The following CCDC178 variants were observed in gnomAD, a reference collection of about 807,000 sequenced individuals.
The protein encoded by CCDC178 is coiled-coil domain containing 178.
CCDC178 carries 126 observed loss-of-function variants against 117.4 expected under a neutral mutation model. The observed-to-expected ratio is 1.07, with a 90% CI of 0.93 to 1.24. The LOEUF is 1.24. CCDC178 is among the 50% of genes most tolerant of loss of function. The pLI, the probability that CCDC178 is intolerant of heterozygous loss-of-function variation, is 0.00. For missense variants in CCDC178, 1,030 were observed against 986.9 expected (o/e 1.04, Z -0.59); for synonymous variants, 283 against 313.4 (o/e 0.90, Z 1.02).
rs949991814 is a variant in CCDC178 at position 33,369,402 on chromosome 18, G to GA, written c.348+647dup. On this transcript the variant is annotated intron_variant, in intron 6 of 22. Transcript: ENST00000383096. ...GAGCCAGATCCAGTAACAGTGGAGA[G>GA]AAAAAAAAAATAGCACAGGTCTCTG... 1.9e-3 allele frequency among the ~76,000 whole-genome samples: 287 copies of GA among 147,328 alleles called. 1 individual carries two copies. Among genetic ancestry groups the GA allele is most frequent in the African/African-American group, 6.3e-3 (253 of 40,414 alleles).
At position 33,270,720 on chromosome 18, in the gene CCDC178, C is replaced by T. The variant is rs1470174375; in HGVS notation, c.1177-3423G>A. ...ATAAACCTGTTCTATAAAAAATACT[C>T]AAGGGAATTGATTCCTTCAAATTGA... On this transcript the variant is annotated intron_variant, in intron 12 of 22. Transcript: ENST00000383096. 7.3e-5 allele frequency among the ~76,000 whole-genome samples: 11 copies of T among 151,420 alleles called. No homozygotes were observed. The Admixed American group carries it at 7.3e-4, about 10-fold the overall frequency.
intron 5 of CCDC178, among the ~76,000 whole-genome samples, chr18:33,380,230 G>C (rs1032686145): frequency 2.0e-5 from 3 of 152,242 alleles, no homozygotes; most frequent in Admixed American, 2.0e-4. Flanking sequence ...TCCTGCCCCC[G>C]GCCTGTGATG....
chr18:33,339,455 A>T (rs2062785357), intron 9 of CCDC178, among the ~76,000 whole-genome samples: 1 of 151,178 alleles, frequency 6.6e-6, no homozygotes, highest in Non-Finnish European at 1.5e-5. Flanking sequence ...ATTTCATGAA[A>T]ACATTTAGGC....
intron 3 of CCDC178, among the ~76,000 whole-genome samples, chr18:33,401,847 A>T (rs1568203673): frequency 1.3e-5 from 2 of 152,082 alleles, no homozygotes; most frequent in Non-Finnish European, 2.9e-5. Flanking sequence ...ACAATCCATC[A>T]TCAGAAGGTC....
At chr18:33,070,605 GT>G (rs2057091702) in intron 21 of CCDC178, among the ~76,000 whole-genome samples, 1 of 152,018 alleles carries the variant, frequency 6.6e-6, no homozygotes, top group African/African-American at 2.4e-5. Flanking sequence ...TGATAGCATG[GT>G]AGAGTGACCA....
intron 11 of CCDC178, among the ~76,000 whole-genome samples, chr18:33,297,727 G>A (rs2144893929): frequency 6.6e-6 from 1 of 152,210 alleles, no homozygotes; most frequent in African/African-American, 2.4e-5. Flanking sequence ...CTTTACCACT[G>A]CATTCTATTG....
intron 21 of CCDC178, among the ~76,000 whole-genome samples, chr18:32,993,534 A>T (rs1222526945): frequency 6.6e-6 from 1 of 152,238 alleles, no homozygotes; most frequent in East Asian, 1.9e-4. Context: ...GCTGTCTAAC[A>T]CCACTGGCTC....
intron 21 of CCDC178, among the ~76,000 whole-genome samples, chr18:33,028,122 TAGAA>T (rs1480761089): frequency 1.1e-4 from 17 of 151,532 alleles, no homozygotes; most frequent in Admixed American, 9.9e-4. Flanking sequence ...AATATATTAA[TAGAA>T]GGAAGGAAAT....
chr18:33,068,383 C>T (rs749733369), intron 21 of CCDC178, among the ~76,000 whole-genome samples: 1 of 152,096 alleles, frequency 6.6e-6, no homozygotes, highest in Non-Finnish European at 1.5e-5. Context: ...AAACTACAAG[C>T]CAATATCCCT....
At chr18:33,255,032 G>C (rs9945832) in intron 14 of CCDC178, among the ~76,000 whole-genome samples, 54 of 152,100 alleles carry the variant, frequency 3.6e-4, no homozygotes, top group African/African-American at 1.3e-3. Flanking sequence ...GCTTTGGTGA[G>C]ATTGGATTAG....
intron 4 of CCDC178, among the ~76,000 whole-genome samples, chr18:33,394,943 G>GTGTGTA (rs1222110972): frequency 3.1e-4 from 19 of 61,504 alleles, no homozygotes; most frequent in African/African-American, 1.1e-3. Flanking sequence ...ATATGTATGT[G>GTGTGTA]TATATATATA....
intron 18 of CCDC178, among the ~76,000 whole-genome samples, chr18:33,222,896 A>G (rs945977306): frequency 6.6e-6 from 1 of 152,074 alleles, no homozygotes; most frequent in African/African-American, 2.4e-5. Flanking sequence ...TCCCTGATAA[A>G]CTAGACCAGT....
chr18:33,318,041 C>T (rs1267436069), intron 11 of CCDC178, among the ~76,000 whole-genome samples: 3 of 152,122 alleles, frequency 2.0e-5, no homozygotes, highest in Non-Finnish European at 4.4e-5. Context: ...CACTCTGGTT[C>T]TGGGAAGTTG....
At chr18:33,172,968 T>C (rs1335124994) in intron 20 of CCDC178, among the ~76,000 whole-genome samples, 1 of 152,212 alleles carries the variant, frequency 6.6e-6, no homozygotes, top group African/African-American at 2.4e-5. Context: ...AAATTGATCT[T>C]CTAATAATGG....
At chr18:33,349,134 G>C (rs890863904) in intron 7 of CCDC178, among the ~76,000 whole-genome samples, 159 bp from the exon 8 acceptor site, 2 of 151,678 alleles carry the variant, frequency 1.3e-5, no homozygotes, top group Non-Finnish European at 3.0e-5. Flanking sequence ...AATTCTAATA[G>C]GTAATGGGAT....
chr18:33,389,835 G>A (rs1014241052), intron 4 of CCDC178, among the ~76,000 whole-genome samples: 1 of 151,762 alleles, frequency 6.6e-6, no homozygotes, highest in African/African-American at 2.4e-5. Context: ...TCTTTCATAA[G>A]AAGGTATTCA....
At chr18:33,382,262 T>C (rs1168934567) in intron 5 of CCDC178, among the ~76,000 whole-genome samples, 1 of 152,192 alleles carries the variant, frequency 6.6e-6, no homozygotes, top group Non-Finnish European at 1.5e-5. Flanking sequence ...TATGTATACA[T>C]TTCCTCATCT....
At chr18:33,246,204 C>T (rs866719013) in intron 14 of CCDC178, among the ~76,000 whole-genome samples, 2 of 151,944 alleles carry the variant, frequency 1.3e-5, no homozygotes, top group Middle Eastern at 3.4e-3. Context: ...AACATGCAAC[C>T]AGAAAGCAAA....
intron 5 of CCDC178, among the ~76,000 whole-genome samples, chr18:33,372,054 C>G (rs1480358985): frequency 6.6e-6 from 1 of 152,048 alleles, no homozygotes; most frequent in Admixed American, 6.6e-5. Flanking sequence ...CTGTGCCACT[C>G]TCAACCTATT....
Sources: allele counts gnomAD v4.1 joint callset (sites outside exome capture counted in the v4.1 genomes callset), GRCh38; gene constraint gnomAD v4.1.1; transcripts MANE v1.5; gene names NCBI Gene and HGNC (gene_info 2026-07-23, HGNC 2026-07-21).